Variants in FUT8 observed in about 807,000 individuals in gnomAD.
FUT8 encodes the protein alpha-(1,6)-fucosyltransferase.
In FUT8, 29 loss-of-function variants were observed where a neutral mutation model predicts 71.3. That is an observed-to-expected ratio of 0.41 (90% CI 0.30 to 0.55). FUT8 has a LOEUF of 0.55. FUT8 is among the 20% of genes least tolerant of loss of function. The pLI, the probability that FUT8 is intolerant of heterozygous loss-of-function variation, is 0.34. For synonymous variants in FUT8, 254 were observed against 239.3 expected (o/e 1.06, Z -0.57); for missense variants, 544 against 702.1 (o/e 0.77, Z 2.55).
At chr14:65,543,108 A>G (rs143014410) in intron 2 of FUT8, among the ~76,000 whole-genome samples, 19 of 152,226 alleles carry the variant, frequency 1.2e-4, no homozygotes, top group Non-Finnish European at 2.6e-4. Flanking sequence ...TTTGCAATCC[A>G]TTTATCTCTC....
intron 7 of FUT8, among the ~76,000 whole-genome samples, chr14:65,699,520 A>G (rs1378980565): frequency 6.6e-6 from 1 of 152,194 alleles, no homozygotes; most frequent in Non-Finnish European, 1.5e-5. Context: ...ACTAAGCTGT[A>G]AAATCTTGTA....
intron 2 of FUT8, among the ~76,000 whole-genome samples, chr14:65,544,333 C>T (rs766884966): frequency 9.2e-5 from 14 of 152,064 alleles, no homozygotes; most frequent in South Asian, 4.1e-4. Context: ...TGAGTTTCTA[C>T]GATTATGACT....
chr14:65,673,286 A>C (rs1892558901), intron 7 of FUT8, among the ~76,000 whole-genome samples: 1 of 152,206 alleles, frequency 6.6e-6, no homozygotes, highest in Non-Finnish European at 1.5e-5. Context: ...GTTTATGTGG[A>C]GGCAACCTTG....
chr14:65,695,792 G>C (rs1452387488), intron 7 of FUT8, among the ~76,000 whole-genome samples: 3 of 151,642 alleles, frequency 2.0e-5, no homozygotes, highest in African/African-American at 7.3e-5. Context: ...TTTTCTATTT[G>C]TTGCCCTATT....
intron 7 of FUT8, among the ~76,000 whole-genome samples, chr14:65,711,501 A>G (rs1482971494): frequency 1.3e-5 from 2 of 152,110 alleles, no homozygotes; most frequent in African/African-American, 2.4e-5. Context: ...TTTTTATAAC[A>G]AAAAAATTCT....
chr14:65,610,141 C>T (rs1888806197), intron 3 of FUT8, among the ~76,000 whole-genome samples: 1 of 151,830 alleles, frequency 6.6e-6, no homozygotes, highest in Non-Finnish European at 1.5e-5. Context: ...GTTATGTGAA[C>T]CGAGGATAGC....
chr14:65,465,850 C>T (rs897346903), intron 2 of FUT8, among the ~76,000 whole-genome samples: 10 of 152,172 alleles, frequency 6.6e-5, no homozygotes, highest in South Asian at 6.2e-4. Flanking sequence ...TGTCAATTAC[C>T]GATAGAGGGT....
In FUT8 at chr14:65,732,560, T is replaced by G. The variant is rs1896028913; in HGVS notation, c.1260-671T>G. On this transcript the variant is annotated intron_variant, in intron 9 of 10. Transcript: ENST00000673929. ...CAAAAGACATCCTGTATGAATACTT[T>G]TAAACACACACTATCTCTAGCAAGA... Among the ~76,000 whole-genome samples the G allele has an allele frequency of 1.3e-5, 2 of 152,334 alleles. 1 individual carries two copies. Among genetic ancestry groups the G allele is most frequent in the South Asian group, 4.1e-4 (2 of 4,828 alleles).
At chr14:65,520,325 A>G (rs1374913308) in intron 2 of FUT8, among the ~76,000 whole-genome samples, 1 of 152,140 alleles carries the variant, frequency 6.6e-6, no homozygotes, top group Non-Finnish European at 1.5e-5. Context: ...GTTGAACTGC[A>G]CTTTTAATCT....
chr14:65,484,728 G>T (rs2066383608), intron 2 of FUT8, among the ~76,000 whole-genome samples: 2 of 152,020 alleles, frequency 1.3e-5, no homozygotes, highest in African/African-American at 4.8e-5. Flanking sequence ...ATTTTTAAAG[G>T]TTAATCCAAC....
chr14:65,572,876 T>C (rs1159887332), intron 3 of FUT8, among the ~76,000 whole-genome samples: 1 of 152,136 alleles, frequency 6.6e-6, no homozygotes, highest in African/African-American at 2.4e-5. Flanking sequence ...CTTACAGTAA[T>C]TGAAAGATTA....
chr14:65,512,146 A>G (rs1566793591), intron 2 of FUT8, among the ~76,000 whole-genome samples: 1 of 152,232 alleles, frequency 6.6e-6, no homozygotes, highest in African/African-American at 2.4e-5. Context: ...TAGAAAAGGT[A>G]CAGTAAAATT....
At chr14:65,523,609 T>C (rs1244184087) in intron 2 of FUT8, among the ~76,000 whole-genome samples, 1 of 152,264 alleles carries the variant, frequency 6.6e-6, no homozygotes, top group African/African-American at 2.4e-5. Context: ...TTGGCTTTTG[T>C]TGCCATTGCT....
intron 1 of FUT8, among the ~76,000 whole-genome samples, chr14:65,423,538 A>G (rs535224856): frequency 6.6e-6 from 1 of 152,212 alleles, no homozygotes; most frequent in East Asian, 1.9e-4. Flanking sequence ...CTGGGATTAC[A>G]GGCGTGAGCC....
chr14:65,581,708 T>G (rs1485238835), intron 3 of FUT8, among the ~76,000 whole-genome samples: 1 of 151,600 alleles, frequency 6.6e-6, no homozygotes, highest in Non-Finnish European at 1.5e-5. Flanking sequence ...TACTGGAATC[T>G]TTTTTTTTCA....
At chr14:65,473,339 G>A (rs561140707) in intron 2 of FUT8, among the ~76,000 whole-genome samples, 8 of 151,974 alleles carry the variant, frequency 5.3e-5, no homozygotes, top group African/African-American at 1.9e-4. Context: ...TTCTCTTTTT[G>A]TCTGTCTTTT....
chr14:65,486,752 T>C (rs1030254548), intron 2 of FUT8, among the ~76,000 whole-genome samples: 1 of 152,176 alleles, frequency 6.6e-6, no homozygotes, highest in Non-Finnish European at 1.5e-5. Context: ...TTTGCATGTG[T>C]AAAATGAGGA....
intron 7 of FUT8, among the ~76,000 whole-genome samples, chr14:65,718,859 T>C (rs1347159504): frequency 6.6e-6 from 1 of 152,208 alleles, no homozygotes; most frequent in Non-Finnish European, 1.5e-5. Flanking sequence ...TGGTATGTTA[T>C]TTATTTTTTC....
At chr14:65,572,000 A>T (rs2140083188) in intron 3 of FUT8, among the ~76,000 whole-genome samples, 1 of 152,316 alleles carries the variant, frequency 6.6e-6, no homozygotes, top group Non-Finnish European at 1.5e-5. Context: ...TCAAGATTTA[A>T]CAATCCACTT....
Sources: gnomAD v4.1 joint callset for allele counts (sites outside exome capture counted in the v4.1 genomes callset) on GRCh38, gnomAD v4.1.1 for gene constraint, MANE v1.5 for transcripts, NCBI Gene and HGNC (gene_info 2026-07-23, HGNC 2026-07-21) for gene names.